ZZZ3: variants seen among roughly 807,000 people sequenced by gnomAD.
The protein encoded by ZZZ3 is ZZ-type zinc finger-containing protein 3.
In ZZZ3, 22 loss-of-function variants were observed where a neutral mutation model predicts 95.2. The observed-to-expected ratio is 0.23, with a 90% CI of 0.17 to 0.33. ZZZ3 has a LOEUF of 0.33. ZZZ3 is among the 10% of genes least tolerant of loss of function. The pLI, the probability that ZZZ3 is intolerant of heterozygous loss-of-function variation, is 1.00. For missense variants in ZZZ3, 885 were observed against 1,066.5 expected (o/e 0.83, Z 2.37); for synonymous variants, 335 against 358.9 (o/e 0.93, Z 0.75).
intron 5 of ZZZ3, among the ~76,000 whole-genome samples, chr1:77,587,252 T>C (rs1006047945): frequency 8.3e-5 from 12 of 144,294 alleles, no homozygotes; most frequent in Non-Finnish European, 1.8e-4. Context: ...AACTCCAACT[T>C]TGACCCTTTT....
chr1:77,646,585 T>C (rs1669299113), intron 1 of ZZZ3, among the ~76,000 whole-genome samples: 1 of 152,190 alleles, frequency 6.6e-6, no homozygotes, highest in Non-Finnish European at 1.5e-5. Flanking sequence ...GTCATTCTCC[T>C]ACCTAAAATT....
rs925137517 is a variant in ZZZ3, at chr1:77,609,964, C to T, written c.1505+21886G>A. Among the ~76,000 whole-genome samples, 4 of 151,732 alleles carry T rather than the reference C, an allele frequency of 2.6e-5. No individual in the cohort carries two copies. The East Asian group carries it at 5.8e-4, about 22-fold the overall frequency. On this transcript the variant is annotated intron_variant, in intron 5 of 14. Coordinates refer to ENST00000370801, the MANE Select transcript of ZZZ3 (RefSeq NM_015534.6). ...AACTTCAAATAGATAACCTAAAATG[C>T]ATCTTAAAGCAAGAGCAAACCAAAC... is the stretch of plus-strand genomic sequence containing the variant.
chr1:77,564,977 G>T lies in ZZZ3; in HGVS notation c.*663C>A, dbSNP rs1210697623. The T allele has an allele frequency of 6.6e-6, 1 of 152,608 alleles. No homozygotes were observed. The allele number at this position is 152,608 out of a possible 1,614,324, so 9.5% of individuals were successfully genotyped here. On this transcript the variant is annotated 3_prime_UTR_variant, in exon 15 of 15. Coordinates refer to ENST00000370801, the MANE Select transcript of ZZZ3 (RefSeq NM_015534.6). ...TTACATTTAAAAAATATATCTGAGT[G>T]ACAATTTTATAACATTCACACACCA...
chr1:77,679,267 G>T (rs569081149), intron 1 of ZZZ3, among the ~76,000 whole-genome samples: 3 of 152,160 alleles, frequency 2.0e-5, no homozygotes, highest in Non-Finnish European at 4.4e-5. Flanking sequence ...TTTCTTGTAG[G>T]TGACTCCAAA....
intron 5 of ZZZ3, among the ~76,000 whole-genome samples, chr1:77,617,109 C>T (rs887306082): frequency 3.9e-5 from 6 of 151,998 alleles, no homozygotes; most frequent in Admixed American, 2.6e-4. Context: ...AATCCCCCCA[C>T]GCTTTAGTTT....
chr1:77,640,408 G>A (rs1668670159), intron 3 of ZZZ3, among the ~76,000 whole-genome samples: 1 of 152,012 alleles, frequency 6.6e-6, no homozygotes, highest in Admixed American at 6.6e-5. Context: ...AGACCAGCCT[G>A]GCCAACATGG....
Position 77,632,097 on chromosome 1 carries a change from T to C in ZZZ3, c.1258A>G (p.Ser420Gly). ...GTAGGAGATTGACTTACATTATCAC[T>C]AACAGTTGCATTTGTTTCATTAGGA... ...LSPNETNATVSDNVSQSPTNP... is the reference protein window; with the variant it reads ...LSPNETNATVGDNVSQSPTNP... The change falls in exon 5 of 15, where the codon AGT (serine) becomes GGT (glycine). Residue 420 changes from serine (S) to glycine (G), a missense_variant. Ser to Gly is a moderately conservative substitution (Grantham distance 56). This residue lies in a region of ZZZ3 where 556 missense variants were observed against 652.9 expected (regional missense o/e 0.85). Transcript: ENST00000370801. The C allele has an allele frequency of 6.2e-7, 1 of 1,614,128 alleles. No homozygotes were observed. The highest frequency in any genetic ancestry group is 8.5e-7 in the Non-Finnish European group (1 of 1,179,970).
Position 77,632,447 on chromosome 1 carries a change from G to A in ZZZ3, c.908C>T (p.Pro303Leu), listed in dbSNP as rs1156798555. 1 of 1,614,036 alleles carries A rather than the reference G, an allele frequency of 6.2e-7. No individual in the cohort carries two copies. Among genetic ancestry groups the A allele is most frequent in the Admixed American group, 1.7e-5 (1 of 60,002 alleles). The change falls in exon 5 of 15, where the codon CCC becomes CTC. Residue 303 changes from proline to leucine, a missense_variant. By Grantham distance (98) the Pro-to-Leu change is moderately conservative (BLOSUM62 -3). Around this residue, in one of 5 missense-constraint regions of ZZZ3, gnomAD observed 556 missense variants for 652.9 expected, o/e 0.85. Coordinates refer to ENST00000370801, the MANE Select transcript of ZZZ3 (RefSeq NM_015534.6). ...TAAAGATGACTGAGTTTCAGAAAAG[G>A]GCCCTGTAGCTGGCTCAGTAGTCAG... is the stretch of plus-strand genomic sequence containing the variant. ...NQLTTEPATG[P>L]FSETQSSLRD... is the part of the protein sequence containing the mutation.
intron 5 of ZZZ3, among the ~76,000 whole-genome samples, chr1:77,607,064 G>A (rs1047301594): frequency 6.6e-6 from 1 of 152,198 alleles, no homozygotes; most frequent in African/African-American, 2.4e-5. Context: ...CAAAATAGCT[G>A]TGTGTCTGTT....
At chr1:77,619,373 ATTATGAG>A (rs1322526222) in intron 5 of ZZZ3, among the ~76,000 whole-genome samples, 1 of 152,188 alleles carries the variant, frequency 6.6e-6, no homozygotes, top group Non-Finnish European at 1.5e-5. Flanking sequence ...TCTACTCAAA[ATTATGAG>A]TTTTTAACCA....
chr1:77,577,734 G>A (rs572738930), intron 11 of ZZZ3, among the ~76,000 whole-genome samples: 7 of 152,150 alleles, frequency 4.6e-5, no homozygotes, highest in South Asian at 4.2e-4. Flanking sequence ...TATTTTTTGC[G>A]ATTACAAGAA....
intron 5 of ZZZ3, among the ~76,000 whole-genome samples, chr1:77,611,248 A>C (rs1278109240): frequency 2.7e-5 from 4 of 147,738 alleles, no homozygotes; most frequent in African/African-American, 1.0e-4. Flanking sequence ...AAAAAAAAAA[A>C]AACAACCCAC....
chr1:77,669,821 T>A (rs1169785738), intron 1 of ZZZ3, among the ~76,000 whole-genome samples: 1 of 151,902 alleles, frequency 6.6e-6, no homozygotes, highest in Non-Finnish European at 1.5e-5. Flanking sequence ...GTTTTATTAC[T>A]AAGAACTTCT....
intron 12 of ZZZ3, among the ~76,000 whole-genome samples, chr1:77,570,026 T>C (rs1030851846): frequency 4.6e-5 from 7 of 152,254 alleles, no homozygotes; most frequent in African/African-American, 1.4e-4. Flanking sequence ...TTAAGTGCTA[T>C]GTTTATTTTA....
At chr1:77,619,918 TA>T (rs1221436377) in intron 5 of ZZZ3, among the ~76,000 whole-genome samples, 3 of 152,164 alleles carry the variant, frequency 2.0e-5, no homozygotes, top group Non-Finnish European at 4.4e-5. Flanking sequence ...AAAAGCATGC[TA>T]AATTTTTCTC....
chr1:77,642,989 A>G (rs1273174546), intron 1 of ZZZ3, among the ~76,000 whole-genome samples: 1 of 152,128 alleles, frequency 6.6e-6, no homozygotes, highest in East Asian at 1.9e-4. Flanking sequence ...AGGCAGAAGG[A>G]TCGCTTGAGC....
chr1:77,646,511 T>C (rs938368881), intron 1 of ZZZ3, among the ~76,000 whole-genome samples: 3 of 152,108 alleles, frequency 2.0e-5, no homozygotes, highest in African/African-American at 7.2e-5. Context: ...ACATGAGTTA[T>C]GGCGCCCAGC....
intron 5 of ZZZ3, among the ~76,000 whole-genome samples, chr1:77,625,540 TTAGAAAAGAACA>T (rs1349592678): frequency 6.6e-6 from 1 of 151,850 alleles, no homozygotes; most frequent in East Asian, 1.9e-4. Context: ...GTCACAGAAC[TTAGAAAAGAACA>T]TAGAAAAGAA....
chr1:77,585,614 T>C, intron 5 of ZZZ3, among the ~76,000 whole-genome samples: 1 of 152,244 alleles, frequency 6.6e-6, no homozygotes, highest in East Asian at 1.9e-4. Context: ...ATAACTTTCA[T>C]TTTGTTTCCT....
Sources: gnomAD v4.1 joint callset for allele counts (sites outside exome capture counted in the v4.1 genomes callset) on GRCh38, gnomAD v4.1.1 for gene constraint, gnomAD v4.1.1 regional missense constraint, MANE v1.5 for transcripts, NCBI Gene and HGNC (gene_info 2026-07-23, HGNC 2026-07-21) for gene names.